COQ9: variants seen among roughly 807,000 people sequenced by gnomAD.
The protein encoded by COQ9 is ubiquinone biosynthesis protein COQ9, mitochondrial.
Under a neutral mutation model 42.4 loss-of-function variants are expected in COQ9, and 35 were observed. That is an observed-to-expected ratio of 0.83 (90% CI 0.63 to 1.10). The LOEUF is 1.10. COQ9 is among the 50% of genes least tolerant of loss of function. COQ9 has a pLI of 0.00. For missense variants in COQ9, 406 were observed against 414.6 expected (o/e 0.98, Z 0.18); for synonymous variants, 155 against 155.1 (o/e 1.00, Z 0.00).
intron 1 of COQ9, among the ~76,000 whole-genome samples, chr16:57,450,132 A>G (rs1005186368): frequency 7.6e-4 from 115 of 152,302 alleles, no homozygotes; most frequent in African/African-American, 2.7e-3. Context: ...TTTTTATAAT[A>G]GGCTGGGCAT....
intron 2 of COQ9, among the ~76,000 whole-genome samples, 192 bp from the exon 3 acceptor site, chr16:57,452,609 T>C (rs915353988): frequency 6.6e-6 from 1 of 152,160 alleles, no homozygotes; most frequent in African/African-American, 2.4e-5. Flanking sequence ...GCCACTGGAC[T>C]CCAGCCTGGG....
In COQ9 at chr16:57,460,674, T is replaced by A; in HGVS notation, c.*50T>A. On this transcript the variant is annotated 3_prime_UTR_variant, in exon 9 of 9. Coordinates refer to ENST00000262507, the MANE Select transcript of COQ9 (RefSeq NM_020312.4). ...CCTAGAAGAGAATGAGCGGACAGAT[T>A]GAAAGAGCTTTGAAAAGTATAAGGT... 1.9e-6 allele frequency: 3 copies of A among 1,561,746 alleles called. No homozygotes were observed. The South Asian group carries it at 3.3e-5, about 17-fold the overall frequency.
chr16:57,451,018 G>T (rs1206056914), intron 1 of COQ9, 22 bp from the exon 2 acceptor site: 3 of 1,613,024 alleles, frequency 1.9e-6, no homozygotes, highest in Non-Finnish European at 2.5e-6. Context: ...GAATGTCCCT[G>T]ACTGACCAGT....
At chr16:57,457,454 A>G in intron 5 of COQ9, 1 of 316,568 alleles carries the variant, frequency 3.2e-6, no homozygotes, top group Middle Eastern at 1.1e-3. Flanking sequence ...ATTCGTTGCA[A>G]GGGGTTTTTT....
In COQ9 at chr16:57,458,302, C is replaced by T; in HGVS notation, c.663C>T (p.Thr221=). The T allele has an allele frequency of 6.2e-7, 1 of 1,613,104 alleles. No individual in the cohort carries two copies. Among genetic ancestry groups the T allele is most frequent in the Non-Finnish European group, 8.5e-7 (1 of 1,179,548 alleles). ...HNIPSSLSLL[T]SMVDDMWHYA... ...TCCCGTCCAGCCTGAGCCTGCTCAC[C>T]AGCATGGTGGATGACATGTGGCATT... The change falls in exon 6 of 9, where the codon ACC becomes ACT. Residue 221 remains threonine (T), a synonymous_variant. Coordinates refer to ENST00000262507, the MANE Select transcript of COQ9 (RefSeq NM_020312.4).
intron 3 of COQ9, chr16:57,454,330 A>T (rs1241047337): frequency 1.3e-5 from 2 of 152,242 alleles, no homozygotes; most frequent in Admixed American, 6.5e-5. Flanking sequence ...GTTGCCTGTT[A>T]AACTATGACA....
intron 3 of COQ9, among the ~76,000 whole-genome samples, chr16:57,455,344 T>TA (rs2146589793): frequency 7.7e-6 from 1 of 129,878 alleles, no homozygotes; most frequent in East Asian, 2.1e-4. Context: ...GGACTAGAGA[T>TA]ACACATTTGG....
chr16:57,448,861 CAAACACAG>C (rs1379336818), intron 1 of COQ9, among the ~76,000 whole-genome samples: 2 of 151,922 alleles, frequency 1.3e-5, no homozygotes, highest in Admixed American at 6.5e-5. Flanking sequence ...TCATAGTAGC[CAAACACAG>C]AAACAGTCCA....
At chr16:57,459,949 T>A (rs1479693378) in intron 7 of COQ9, 102 bp from the exon 8 acceptor site, 12 of 1,172,472 alleles carry the variant, frequency 1.0e-5, no homozygotes, top group African/African-American at 1.5e-5. Flanking sequence ...GGCCCCCTTG[T>A]CTTCACCTTT....
Position 57,451,165 on chromosome 16 carries a change from G to C in COQ9, c.199G>C (p.Gly67Arg). The C allele has an allele frequency of 6.2e-7, 1 of 1,614,128 alleles. No homozygotes were observed. Among genetic ancestry groups the C allele is most frequent in the Non-Finnish European group, 8.5e-7 (1 of 1,180,016 alleles). The change falls in exon 2 of 9, where the codon GGG (glycine) becomes CGG (arginine). Residue 67 changes from glycine (G) to arginine (R), a missense_variant. Coordinates refer to ENST00000262507, the MANE Select transcript of COQ9 (RefSeq NM_020312.4). ...TTCTCAGCAGCATTCTGAGACACAG[G>C]GGGCAGAAAAACCTGATCCAGAGTC... ...SFSQQHSETQGAEKPDPESSH... is the reference protein window; with the variant it reads ...SFSQQHSETQRAEKPDPESSH...
At chr16:57,458,001 A>T in intron 5 of COQ9, 1 of 516,502 alleles carries the variant, frequency 1.9e-6, no homozygotes, top group Non-Finnish European at 3.6e-6. Flanking sequence ...CTGCATTCCC[A>T]GTTCCAAATG....
chr16:57,455,956 G>A (rs1306168317), intron 3 of COQ9, among the ~76,000 whole-genome samples: 15 of 151,966 alleles, frequency 9.9e-5, no homozygotes, highest in Non-Finnish European at 4.4e-5. Context: ...GCGCATACCT[G>A]TGGTCCCAGG....
rs1288687526 is a variant in COQ9, at chr16:57,460,579, C to T, written c.922-10C>T. The T allele has an allele frequency of 5.0e-6, 8 of 1,613,646 alleles. No individual in the cohort carries two copies. The East Asian group carries it at 1.8e-4, about 36-fold the overall frequency. On this transcript the variant is annotated splice_polypyrimidine_tract_variant and intron_variant, in intron 8 of 8. Transcript: ENST00000262507. ...CCTCACTATTCTCTTTATTTCCATT[C>T]CCGTGTCAGCTCAAGAACTTGACAG...
Position 57,458,256 on chromosome 16 carries a change from T to C in COQ9, c.617T>C (p.Ile206Thr), listed in dbSNP as rs1179388263. The C allele has an allele frequency of 6.2e-7, 1 of 1,610,460 alleles. No individual in the cohort carries two copies. Among genetic ancestry groups the C allele is most frequent in the South Asian group, 1.1e-5 (1 of 90,030 alleles). Reference protein sequence around the residue: ...YIEHWPRALSILMLPHNIPSS... With the variant: ...YIEHWPRALSTLMLPHNIPSS... ...CCATTCTCTCTCCAGGCCCTCAGCA[T>C]CCTCATGCTCCCTCACAACATCCCG... is the stretch of plus-strand genomic sequence containing the variant. The change falls in exon 6 of 9, where the codon ATC (isoleucine) becomes ACC (threonine). Residue 206 changes from isoleucine (I) to threonine (T), a missense_variant. By Grantham distance (89) the Ile-to-Thr change is moderately conservative (BLOSUM62 -1). Transcript: ENST00000262507.
chr16:57,447,557 C>A lies in COQ9; in HGVS notation c.52C>A (p.Leu18Met). The change falls in exon 1 of 9, where the codon CTG (leucine) becomes ATG (methionine). Residue 18 changes from leucine (L) to methionine (M), a missense_variant. By Grantham distance (15) the Leu-to-Met change is conservative. Transcript: ENST00000262507. The part of the protein sequence containing the change: ...GALGRAGWRL[L>M]QLRCLPVARC... ...GCTTGGCCGGGCGGGCTGGAGGCTCCTGCAGCTGCGATGCCTGCCCGGTGA... is the reference window on the plus strand; with the variant it reads ...GCTTGGCCGGGCGGGCTGGAGGCTCATGCAGCTGCGATGCCTGCCCGGTGA... 7.7e-7 allele frequency: 1 copy of A among 1,293,838 alleles called. No individual in the cohort carries two copies. The highest frequency in any genetic ancestry group is 2.7e-5 in the South Asian group (1 of 37,610). 80.1% of individuals were successfully genotyped at this position (1,293,838 alleles called of 1,614,324 possible).
At position 57,452,020 on chromosome 16, in the gene COQ9, G is replaced by T. The variant is rs113692282; in HGVS notation, c.243-781G>T. ...TTTTTCCTAATCCTGCCATTGAAAAGTTTCTCTATATCTGAAATTAGCGTG... is the reference window on the plus strand; with the variant it reads ...TTTTTCCTAATCCTGCCATTGAAAATTTTCTCTATATCTGAAATTAGCGTG... On this transcript the variant is annotated intron_variant, in intron 2 of 8. Coordinates refer to ENST00000262507, the MANE Select transcript of COQ9 (RefSeq NM_020312.4). Among the ~76,000 whole-genome samples, 143 of 152,118 alleles carry T rather than the reference G, an allele frequency of 9.4e-4. 1 individual carries two copies. Among genetic ancestry groups the T allele is most frequent in the Non-Finnish European group, 1.8e-3 (121 of 67,982 alleles).
chr16:57,460,478 CTA>C, intron 8 of COQ9, 109 bp from the exon 9 acceptor site: 1 of 1,082,686 alleles, frequency 9.2e-7, no homozygotes, highest in Non-Finnish European at 1.4e-6. Context: ...AACCCTGTCT[CTA>C]TGCAAAAAAG....
Position 57,447,590 on chromosome 16 carries a change from G to T in COQ9, c.73+12G>T. 7.9e-7 allele frequency: 1 copy of T among 1,260,378 alleles called. No individual in the cohort carries two copies. Among genetic ancestry groups the T allele is most frequent in the African/African-American group, 1.5e-5 (1 of 64,866 alleles). The allele number at this position is 1,260,378 out of a possible 1,614,324, so 78.1% of individuals were successfully genotyped here. The stretch of plus-strand genomic sequence containing the variant: ...GCGATGCCTGCCCGGTGAGGGGGCT[G>T]CCAAGCCGGGGAGAGGCGGGGAGCG... On this transcript the variant is annotated intron_variant, in intron 1 of 8. Coordinates refer to ENST00000262507, the MANE Select transcript of COQ9 (RefSeq NM_020312.4).
chr16:57,459,799 CT>C, intron 7 of COQ9, 79 bp downstream of exon 7: 1 of 1,550,138 alleles, frequency 6.5e-7, no homozygotes, highest in Non-Finnish European at 8.9e-7. Flanking sequence ...GTCTTGCTCC[CT>C]TTTGGCCTCA....
Sources: gnomAD v4.1 joint callset for allele counts (sites outside exome capture counted in the v4.1 genomes callset) on GRCh38, gnomAD v4.1.1 for gene constraint, MANE v1.5 for transcripts, NCBI Gene and HGNC (gene_info 2026-07-23, HGNC 2026-07-21) for gene names.